The following CSTPP1 variants were observed in gnomAD, a reference collection of about 807,000 sequenced individuals.
The protein encoded by CSTPP1 is UPF0705 protein C11orf49.
chr11:47,026,923 A>C, the CSTPP1 span, among the ~76,000 whole-genome samples: 1 of 152,198 alleles, frequency 6.6e-6, no homozygotes, highest in Admixed American at 6.6e-5. Context: ...ATTATCATGT[A>C]CACACAATTT....
the CSTPP1 span, among the ~76,000 whole-genome samples, chr11:46,971,736 G>A: frequency 6.6e-6 from 1 of 152,116 alleles, no homozygotes; most frequent in Admixed American, 6.5e-5. Flanking sequence ...CTTGAGCCTA[G>A]GAGTTTGAGA....
At chr11:47,056,783 G>A in the CSTPP1 span, among the ~76,000 whole-genome samples, 2 of 152,102 alleles carry the variant, frequency 1.3e-5, no homozygotes, top group African/African-American at 2.4e-5. Context: ...TTGGCGGCAA[G>A]GTTCTAAAGG....
chr11:47,158,270 A>C, the CSTPP1 span, among the ~76,000 whole-genome samples: 1 of 152,170 alleles, frequency 6.6e-6, no homozygotes, highest in Non-Finnish European at 1.5e-5. Context: ...GCTAGAGATT[A>C]TATATCAAAG....
At chr11:47,159,200 A>T in the CSTPP1 span, among the ~76,000 whole-genome samples, 1 of 152,186 alleles carries the variant, frequency 6.6e-6, no homozygotes, top group South Asian at 2.1e-4. Flanking sequence ...TACCCACTGG[A>T]CTAAGACTAG....
the CSTPP1 span, among the ~76,000 whole-genome samples, chr11:46,941,940 T>C: frequency 3.9e-5 from 6 of 152,204 alleles, no homozygotes; most frequent in African/African-American, 1.4e-4. Flanking sequence ...CAGGGATACC[T>C]ATCCAAAGAA....
the CSTPP1 span, among the ~76,000 whole-genome samples, chr11:47,037,404 T>A: frequency 2.3e-4 from 26 of 112,776 alleles, 2 homozygotes; most frequent in South Asian, 9.0e-4. Context: ...TTTTTTTTTT[T>A]AATTGATCAT....
At chr11:46,946,859 C>T in the CSTPP1 span, among the ~76,000 whole-genome samples, 9 of 152,156 alleles carry the variant, frequency 5.9e-5, no homozygotes, top group African/African-American at 2.2e-4. Flanking sequence ...AAATCTAGCA[C>T]AATGCTTGGC....
At chr11:47,156,791 G>A in the CSTPP1 span, among the ~76,000 whole-genome samples, 1 of 152,168 alleles carries the variant, frequency 6.6e-6, no homozygotes. Flanking sequence ...ACCTGGTCCA[G>A]GAACAACTGA....
At chr11:47,073,831 A>G in the CSTPP1 span, among the ~76,000 whole-genome samples, 1 of 152,132 alleles carries the variant, frequency 6.6e-6, no homozygotes. Context: ...ATATTTTGTA[A>G]TTATTCTGAA....
chr11:46,943,880 G>A, the CSTPP1 span, among the ~76,000 whole-genome samples: 3 of 152,196 alleles, frequency 2.0e-5, no homozygotes, highest in South Asian at 6.2e-4. Flanking sequence ...AAATAGCTGG[G>A]TGCAACAGCA....
At chr11:47,000,863 T>C in the CSTPP1 span, among the ~76,000 whole-genome samples, 1 of 152,240 alleles carries the variant, frequency 6.6e-6, no homozygotes, top group South Asian at 2.1e-4. Context: ...ATATCCATTA[T>C]TTTATTTAAT....
the CSTPP1 span, chr11:46,987,616 G>A: frequency 4.2e-6 from 1 of 240,168 alleles, no homozygotes; most frequent in Non-Finnish European, 8.1e-6. Context: ...TATTCACTTT[G>A]ATTTCCTTTC....
the CSTPP1 span, chr11:47,164,223 T>C: frequency 1.2e-6 from 2 of 1,613,346 alleles, no homozygotes; most frequent in Non-Finnish European, 8.5e-7. Flanking sequence ...ACCGACGCCC[T>C]ACCATTACCG....
the CSTPP1 span, among the ~76,000 whole-genome samples, chr11:47,108,759 T>C: frequency 7.1e-6 from 1 of 140,252 alleles, no homozygotes; most frequent in Non-Finnish European, 1.5e-5. Flanking sequence ...CAGGCTGGAG[T>C]ACAGTGGCAC....
the CSTPP1 span, among the ~76,000 whole-genome samples, chr11:47,121,216 GTTCT>G: frequency 1.3e-5 from 2 of 152,216 alleles, no homozygotes; most frequent in African/African-American, 4.8e-5. Context: ...CCTAATTATA[GTTCT>G]TTTTCCTCTC....
chr11:47,009,041 A>G, the CSTPP1 span, among the ~76,000 whole-genome samples: 2 of 152,092 alleles, frequency 1.3e-5, no homozygotes, highest in East Asian at 3.9e-4. Context: ...AAAAAAAAAA[A>G]AAAAATTTCC....
chr11:46,995,877 T>C, the CSTPP1 span, among the ~76,000 whole-genome samples: 1 of 152,134 alleles, frequency 6.6e-6, no homozygotes, highest in Non-Finnish European at 1.5e-5. Flanking sequence ...GACAGTGGGG[T>C]GTTAAAGTCT....
At chr11:47,105,383 C>G in the CSTPP1 span, among the ~76,000 whole-genome samples, 1 of 152,110 alleles carries the variant, frequency 6.6e-6, no homozygotes. Context: ...AGCCTGTATT[C>G]CCAGCTACTC....
the CSTPP1 span, among the ~76,000 whole-genome samples, chr11:46,955,609 C>T: frequency 0.073 from 11,129 of 151,906 alleles, 564 homozygotes; most frequent in Non-Finnish European, 0.11. Context: ...GTGATTCGCC[C>T]GCCTCAGCCT....
Sources: allele counts gnomAD v4.1 joint callset (sites outside exome capture counted in the v4.1 genomes callset), GRCh38; gene constraint gnomAD v4.1.1; transcripts MANE v1.5; gene names NCBI Gene and HGNC (gene_info 2026-07-23, HGNC 2026-07-21).